Variants in TENM4 observed in about 807,000 individuals in gnomAD.
TENM4 encodes the protein teneurin-4.
In TENM4, 82 loss-of-function variants were observed where a neutral mutation model predicts 243.3. That is an observed-to-expected ratio of 0.34 (90% CI 0.28 to 0.40). The LOEUF is 0.40. TENM4 is among the 10% of genes least tolerant of loss of function. TENM4 has a pLI of 1.00. For missense variants in TENM4, 3,138 were observed against 3,673.3 expected (o/e 0.85, Z 3.77); for synonymous variants, 1,412 against 1,456.3 (o/e 0.97, Z 0.69).
intron 2 of TENM4, among the ~76,000 whole-genome samples, chr11:79,291,217 C>A (rs1217240865): frequency 6.6e-6 from 1 of 152,040 alleles, no homozygotes; most frequent in Non-Finnish European, 1.5e-5. Context: ...GCACAGAAAA[C>A]CCTTCTCAAA....
intron 2 of TENM4, among the ~76,000 whole-genome samples, chr11:79,249,033 A>G (rs1849387581): frequency 6.6e-6 from 1 of 152,250 alleles, no homozygotes; most frequent in African/African-American, 2.4e-5. Context: ...GATCTTCAGC[A>G]ATAATTTGGT....
intron 9 of TENM4, among the ~76,000 whole-genome samples, chr11:78,877,091 A>G (rs1404770020): frequency 1.3e-5 from 2 of 152,238 alleles, no homozygotes; most frequent in African/African-American, 4.8e-5. Flanking sequence ...TTTGGAATGC[A>G]GGTCTTACTC....
chr11:79,066,729 C>T (rs1591256514), intron 5 of TENM4, among the ~76,000 whole-genome samples: 3 of 128,280 alleles, frequency 2.3e-5, no homozygotes, highest in South Asian at 2.5e-4. Flanking sequence ...CGAGCACACA[C>T]GCGCACGCAC....
intron 15 of TENM4, among the ~76,000 whole-genome samples, chr11:78,792,790 TG>T (rs1372146958): frequency 3.9e-5 from 6 of 152,252 alleles, no homozygotes; most frequent in African/African-American, 1.4e-4. Context: ...CAGTGTCCTT[TG>T]TGCCTAAGCT....
chr11:79,015,352 A>G (rs180704113), intron 6 of TENM4, among the ~76,000 whole-genome samples: 8 of 152,328 alleles, frequency 5.3e-5, no homozygotes, highest in East Asian at 1.9e-4. Context: ...TTATTCTCCA[A>G]TGATGCTCTA....
chr11:78,807,465 T>C (rs1436158208), intron 14 of TENM4, among the ~76,000 whole-genome samples: 1 of 152,206 alleles, frequency 6.6e-6, no homozygotes, highest in Non-Finnish European at 1.5e-5. Flanking sequence ...CCTCTAATCT[T>C]CTGCAAAGCA....
chr11:79,183,340 T>G (rs1863320246), intron 3 of TENM4, among the ~76,000 whole-genome samples: 1 of 152,174 alleles, frequency 6.6e-6, no homozygotes, highest in South Asian at 2.1e-4. Context: ...ATTGACATTC[T>G]GGAAAAAGCA....
At chr11:78,670,590 G>T in intron 31 of TENM4, 39 bp from the exon 32 acceptor site, 2 of 1,561,306 alleles carry the variant, frequency 1.3e-6, no homozygotes, top group Non-Finnish European at 8.7e-7. Context: ...GAGGAGGGTG[G>T]TGAGGAGAAA....
chr11:78,726,242 G>A lies in TENM4; in HGVS notation c.3407-20C>T. The A allele has an allele frequency of 6.2e-7, 1 of 1,612,824 alleles. No individual in the cohort carries two copies. Among genetic ancestry groups the A allele is most frequent in the Non-Finnish European group, 8.5e-7 (1 of 1,179,294 alleles). On this transcript the variant is annotated intron_variant, in intron 22 of 33. Coordinates refer to ENST00000278550, the MANE Select transcript of TENM4 (RefSeq NM_001098816.3). The stretch of plus-strand genomic sequence containing the variant: ...CGGAAACTGTAGGTGACAGAATGAG[G>A]CAAAATGCATAAGTGAGCAAAGCCC...
chr11:78,714,375 G>A (rs1859473368), intron 25 of TENM4, among the ~76,000 whole-genome samples: 1 of 144,372 alleles, frequency 6.9e-6, no homozygotes, highest in Non-Finnish European at 1.5e-5. Context: ...CTTGGGGACT[G>A]GCTACCTCGA....
At chr11:79,035,802 T>C (rs561307588) in intron 6 of TENM4, among the ~76,000 whole-genome samples, 1 of 152,332 alleles carries the variant, frequency 6.6e-6, no homozygotes, top group Admixed American at 6.5e-5. Context: ...ATTCCAACAA[T>C]ACAGAACAAG....
chr11:78,856,269 C>T (rs1858678313), intron 10 of TENM4, 91 bp from the exon 11 acceptor site: 2 of 1,091,834 alleles, frequency 1.8e-6, no homozygotes, highest in Middle Eastern at 2.0e-4. Context: ...CGGGACTCTC[C>T]TTAGCCTCAC....
chr11:79,039,163 C>G (rs544761584), intron 6 of TENM4, among the ~76,000 whole-genome samples: 1 of 151,510 alleles, frequency 6.6e-6, no homozygotes, highest in South Asian at 2.1e-4. Flanking sequence ...GTCCCCTTTG[C>G]CCAATTTTCT....
intron 19 of TENM4, among the ~76,000 whole-genome samples, chr11:78,743,029 A>C (rs1855967476): frequency 6.6e-6 from 1 of 152,176 alleles, no homozygotes; most frequent in African/African-American, 2.4e-5. Context: ...TATAAAATAG[A>C]ATTCAACATA....
chr11:78,992,693 T>C (rs1005750244), intron 6 of TENM4, among the ~76,000 whole-genome samples: 2 of 152,134 alleles, frequency 1.3e-5, no homozygotes, highest in Non-Finnish European at 2.9e-5. Flanking sequence ...GATTAAGAAA[T>C]AGGTTGTGAG....
Position 79,089,094 on chromosome 11 carries a change from G to GGA in TENM4, c.-65-19087_-65-19086dup, listed in dbSNP as rs530431069. Among the ~76,000 whole-genome samples the GGA allele has an allele frequency of 1.8e-3, 279 of 152,314 alleles. 1 individual carries two copies. The highest frequency in any genetic ancestry group is 6.5e-3 in the African/African-American group (270 of 41,574). Reference sequence around the variant, plus strand: ...TTCCTCCAGCTCTGGCCAGCAGGGAGGAGAGGAGAGCAATCCTTGAAACAA... The same window carrying GGA: ...TTCCTCCAGCTCTGGCCAGCAGGGAGGAGAGAGGAGAGCAATCCTTGAAACAA... On this transcript the variant is annotated intron_variant, in intron 4 of 33. Coordinates refer to ENST00000278550, the MANE Select transcript of TENM4 (RefSeq NM_001098816.3).
chr11:79,011,583 A>G (rs1203580698), intron 6 of TENM4, among the ~76,000 whole-genome samples: 1 of 151,638 alleles, frequency 6.6e-6, no homozygotes, highest in Admixed American at 6.6e-5. Context: ...CTCTGCCTAC[A>G]CTCTTCCTCC....
At chr11:79,267,829 G>A (rs1855906462) in intron 2 of TENM4, among the ~76,000 whole-genome samples, 1 of 152,168 alleles carries the variant, frequency 6.6e-6, no homozygotes, top group African/African-American at 2.4e-5. Flanking sequence ...ACAGAGCCCA[G>A]GTCCTGCCCC....
rs573443818 is a variant in TENM4, at chr11:79,258,111, C to G, written c.-265+39377G>C. Among the ~76,000 whole-genome samples, 30 of 152,248 alleles carry G rather than the reference C, an allele frequency of 2.0e-4. No individual in the cohort carries two copies. The South Asian group carries it at 6.0e-3, about 31-fold the overall frequency. On this transcript the variant is annotated intron_variant, in intron 2 of 33. Coordinates refer to ENST00000278550, the MANE Select transcript of TENM4 (RefSeq NM_001098816.3). ...AGAGGAGAGGGGTTTGGTGTCTTGTCATGTGCTGAGATGGAAAGGGTTTTA... is the reference window on the plus strand; with the variant it reads ...AGAGGAGAGGGGTTTGGTGTCTTGTGATGTGCTGAGATGGAAAGGGTTTTA...
Sources: allele counts gnomAD v4.1 joint callset (sites outside exome capture counted in the v4.1 genomes callset), GRCh38; gene constraint gnomAD v4.1.1; transcripts MANE v1.5; gene names NCBI Gene and HGNC (gene_info 2026-07-23, HGNC 2026-07-21).